The following GALNT6 variants were observed in gnomAD, a reference collection of about 807,000 sequenced individuals.
GALNT6 encodes the protein GalNAc transferase 6.
A neutral mutation model predicts 65.9 loss-of-function variants in GALNT6; 51 were observed. The observed-to-expected ratio is 0.77, with a 90% CI of 0.62 to 0.98. The LOEUF is 0.98. GALNT6 is among the 50% of genes least tolerant of loss of function. The pLI, the probability that GALNT6 is intolerant of heterozygous loss-of-function variation, is 0.00. For missense variants in GALNT6, 708 were observed against 803.3 expected (o/e 0.88, Z 1.43); for synonymous variants, 323 against 315.1 (o/e 1.02, Z -0.26).
At chr12:51,383,970 G>T (rs1947751487) in intron 2 of GALNT6, among the ~76,000 whole-genome samples, 1 of 152,076 alleles carries the variant, frequency 6.6e-6, no homozygotes, top group South Asian at 2.1e-4. Context: ...CAAGTACAAA[G>T]CTTCACGAGA....
intron 4 of GALNT6, among the ~76,000 whole-genome samples, chr12:51,371,741 C>T (rs138554552): frequency 2.6e-5 from 4 of 152,230 alleles, no homozygotes; most frequent in African/African-American, 7.2e-5. Context: ...GCTCAGCACG[C>T]GGTCTCCTCC....
chr12:51,374,593 C>T (rs766783398), intron 4 of GALNT6, among the ~76,000 whole-genome samples: 6 of 152,182 alleles, frequency 3.9e-5, no homozygotes, highest in Non-Finnish European at 8.8e-5. Flanking sequence ...CCAGCGCTTA[C>T]ACTGGGAAGT....
rs1946736328 is a variant in GALNT6, at chr12:51,356,110, G to T, written c.1603-152C>A. ...TTACTCATTTATGTGCTGCCTTCAG[G>T]ATTGTTACCATATCAGGGTTATGCT... On this transcript the variant is annotated intron_variant, in intron 10 of 11. Coordinates refer to ENST00000356317, the MANE Select transcript of GALNT6 (RefSeq NM_007210.4). The T allele has an allele frequency of 6.5e-6, 4 of 613,062 alleles. No homozygotes were observed. In the Admixed American group the frequency reaches 8.9e-5, roughly 14 times the overall value. 38.0% of individuals were successfully genotyped at this position (613,062 alleles called of 1,614,324 possible). A position where few individuals can be genotyped will look rare whatever the true frequency, so the allele number is the denominator to read the frequency against.
In GALNT6 at chr12:51,384,157, A is replaced by T. The variant is rs551284167; in HGVS notation, c.-103-4273T>A. The stretch of plus-strand genomic sequence containing the variant: ...CCTTGGGCCTGCAACTCTTTGGACC[A>T]TCCTTGGCTTTGATCCCGAGATGAT... On this transcript the variant is annotated intron_variant, in intron 2 of 11. Transcript: ENST00000356317. Among the ~76,000 whole-genome samples, 4 of 152,226 alleles carry T rather than the reference A, an allele frequency of 2.6e-5. No individual in the cohort carries two copies. The South Asian group carries it at 8.3e-4, about 32-fold the overall frequency.
chr12:51,356,888 A>T (rs1946764817), intron 10 of GALNT6, among the ~76,000 whole-genome samples: 1 of 152,036 alleles, frequency 6.6e-6, no homozygotes. Flanking sequence ...TTGTTCAGTG[A>T]CCCACACCAC....
At chr12:51,357,088 C>T (rs1405170593) in intron 10 of GALNT6, among the ~76,000 whole-genome samples, 1 of 152,156 alleles carries the variant, frequency 6.6e-6, no homozygotes, top group Non-Finnish European at 1.5e-5. Flanking sequence ...TAAATATCCC[C>T]CAGCAGCTAG....
intron 4 of GALNT6, among the ~76,000 whole-genome samples, chr12:51,370,590 G>A (rs1947262941): frequency 6.6e-6 from 1 of 152,190 alleles, no homozygotes; most frequent in South Asian, 2.1e-4. Flanking sequence ...TATGCTAAGT[G>A]AAATAAGCCA....
intron 2 of GALNT6, among the ~76,000 whole-genome samples, chr12:51,384,984 T>A (rs1238449430): frequency 1.3e-5 from 2 of 152,170 alleles, no homozygotes; most frequent in Non-Finnish European, 2.9e-5. Flanking sequence ...AGTATTCGTT[T>A]TTTCTTTCTT....
chr12:51,377,304 G>C lies in GALNT6; in HGVS notation c.555C>G (p.Phe185Leu). ...GCAGTGTGGACCAGGCTTCGTTGTG[G>C]AACACAATGATCACGCTGGTGGTGG... is the stretch of plus-strand genomic sequence containing the variant. ...PLATTSVIIV[F>L]HNEAWSTLLR... Residue 185 changes from phenylalanine (F) to leucine (L), a missense_variant, in exon 4 of 12, where the codon TTC (phenylalanine) becomes TTG (leucine). Physicochemically the swap from Phe to Leu is conservative, Grantham distance 22 (BLOSUM62 0). Transcript: ENST00000356317. The C allele has an allele frequency of 3.7e-6, 6 of 1,613,354 alleles. No homozygotes were observed. The highest frequency in any genetic ancestry group is 5.1e-6 in the Non-Finnish European group (6 of 1,179,878).
At position 51,379,233 on chromosome 12, in the gene GALNT6, C is replaced by A. The variant is rs991555407; in HGVS notation, c.491+58G>T. 11 of 1,495,824 alleles carry A rather than the reference C, an allele frequency of 7.4e-6. No individual in the cohort carries two copies. In the African/African-American group the frequency reaches 1.3e-4, roughly 17 times the overall value. The allele number at this position is 1,495,824 out of a possible 1,614,324, so 92.7% of individuals were successfully genotyped here. A position where few individuals can be genotyped will look rare whatever the true frequency, so the allele number is the denominator to read the frequency against. On this transcript the variant is annotated intron_variant, in intron 3 of 11. Coordinates refer to ENST00000356317, the MANE Select transcript of GALNT6 (RefSeq NM_007210.4). ...CCCTTGATCTATGGCCCTGGCCATA[C>A]TAGCCATGCCTTTAGCAAAGCCCTG...
At chr12:51,356,795 G>A (rs1946762758) in intron 10 of GALNT6, among the ~76,000 whole-genome samples, 1 of 152,146 alleles carries the variant, frequency 6.6e-6, no homozygotes, top group African/African-American at 2.4e-5. Flanking sequence ...GTTCTCCAGT[G>A]CACCACTGGA....
chr12:51,365,865 G>A (rs564965246), intron 4 of GALNT6, among the ~76,000 whole-genome samples: 4 of 152,260 alleles, frequency 2.6e-5, no homozygotes, highest in African/African-American at 9.6e-5. Context: ...CCTCTCTAAT[G>A]TCAGGGACAG....
chr12:51,354,604 A>T, intron 11 of GALNT6, 112 bp from the exon 12 acceptor site: 1 of 645,470 alleles, frequency 1.5e-6, no homozygotes, highest in Non-Finnish European at 2.7e-6. Flanking sequence ...CCCACAAGGC[A>T]CAAAGAGGAC....
Position 51,357,468 on chromosome 12 carries a change from G to T in GALNT6, c.1501-18C>A. Reference sequence around the variant, plus strand: ...TTCTTGATCTGCAGAAGGGTGAGCAGAGAGGGGAAGCAGGATGGCACAGTC... The same window carrying T: ...TTCTTGATCTGCAGAAGGGTGAGCATAGAGGGGAAGCAGGATGGCACAGTC... On this transcript the variant is annotated intron_variant, in intron 9 of 11. Coordinates refer to ENST00000356317, the MANE Select transcript of GALNT6 (RefSeq NM_007210.4). 1 of 1,579,564 alleles carries T rather than the reference G, an allele frequency of 6.3e-7. No individual in the cohort carries two copies. Among genetic ancestry groups the T allele is most frequent in the Non-Finnish European group, 8.7e-7 (1 of 1,148,698 alleles).
intron 11 of GALNT6, 99 bp downstream of exon 11, chr12:51,355,707 T>A (rs1946724136): frequency 9.0e-7 from 1 of 1,107,040 alleles, no homozygotes. Context: ...GACCTCGTGA[T>A]CTGCCCTCCT....
intron 2 of GALNT6, among the ~76,000 whole-genome samples, chr12:51,380,122 A>ACATGAGATTTAATCATTAAACT (rs1172574535): frequency 2.0e-5 from 3 of 152,224 alleles, no homozygotes; most frequent in Non-Finnish European, 2.9e-5. Context: ...CTGAAACACT[A>ACATGAGATTTAATCATTAAACT]CATGAGATTT....
chr12:51,386,934 G>T (rs143751436), intron 2 of GALNT6, among the ~76,000 whole-genome samples: 4 of 150,914 alleles, frequency 2.7e-5, no homozygotes. Context: ...GAATGTGGGA[G>T]GTTTTTATTT....
chr12:51,387,102 ATT>A lies in GALNT6; in HGVS notation c.-104+3746_-104+3747del, dbSNP rs371229228. Among the ~76,000 whole-genome samples, 1 of 146,482 alleles carries A rather than the reference ATT, an allele frequency of 6.8e-6. No individual in the cohort carries two copies. The stretch of plus-strand genomic sequence containing the variant: ...TCAAGGTTCATTTTATGTTTGCATA[ATT>A]TTTTTTTTTTTGAGATGGAGTCTCA... On this transcript the variant is annotated intron_variant, in intron 2 of 11. Transcript: ENST00000356317. The surrounding 1 kb of genome is among the most constrained non-coding windows in gnomAD (Gnocchi z 4.2).
At chr12:51,362,868 T>C (rs1291248669) in intron 6 of GALNT6, among the ~76,000 whole-genome samples, 1 of 148,000 alleles carries the variant, frequency 6.8e-6, no homozygotes, top group Non-Finnish European at 1.5e-5. Flanking sequence ...TTTTTTTTTC[T>C]TTTTCTTTTT....
Sources: allele counts gnomAD v4.1 joint callset (sites outside exome capture counted in the v4.1 genomes callset), GRCh38; gene constraint gnomAD v4.1.1; non-coding constraint Gnocchi (gnomAD v3.1); transcripts MANE v1.5; gene names NCBI Gene and HGNC (gene_info 2026-07-23, HGNC 2026-07-21).